The following MAPKBP1 variants were observed in gnomAD, a reference collection of about 807,000 sequenced individuals.
MAPKBP1 encodes the protein mitogen-activated protein kinase binding protein 1.
A neutral mutation model predicts 170.5 loss-of-function variants in MAPKBP1; 71 were observed. The observed-to-expected ratio is 0.42, with a 90% CI of 0.34 to 0.51. The LOEUF (loss-of-function observed/expected upper bound fraction) is 0.51, where lower values mean the gene tolerates loss of function less well. Among genes scored for constraint, MAPKBP1 ranks in the 20% least tolerant of loss-of-function variants. MAPKBP1 has a pLI of 0.06. For synonymous variants in MAPKBP1, 719 were observed against 757.9 expected, an observed-to-expected ratio of 0.95 and a Z score of 0.84; for missense variants, 1,598 against 1,933.0, an observed-to-expected ratio of 0.83 and a Z score of 3.25.
chr15:41,788,808 T>G (rs2064344458), intron 2 of MAPKBP1, among the ~76,000 whole-genome samples: 1 of 152,088 alleles, frequency 6.6e-6, no homozygotes, highest in Admixed American at 6.6e-5. Context: ...ACTGAAAAAG[T>G]TTTTGGGCAG....
intron 3 of MAPKBP1, among the ~76,000 whole-genome samples, chr15:41,802,565 C>G (rs569071631): frequency 2.6e-5 from 4 of 152,188 alleles, no homozygotes; most frequent in Non-Finnish European, 5.9e-5. Flanking sequence ...CCTCTGCCTC[C>G]TGGGTTCAAG....
intron 3 of MAPKBP1, among the ~76,000 whole-genome samples, chr15:41,809,082 A>AC (rs1392619687): frequency 2.7e-5 from 4 of 150,654 alleles, no homozygotes; most frequent in Non-Finnish European, 5.9e-5. Context: ...TCAAAAAAAA[A>AC]AAAAAAAATG....
chr15:41,785,627 C>G (rs117414861), intron 2 of MAPKBP1, among the ~76,000 whole-genome samples: 16 of 151,970 alleles, frequency 1.1e-4, no homozygotes, highest in Non-Finnish European at 2.1e-4. Flanking sequence ...ATTTACAGGC[C>G]AAGTGAAAAT....
chr15:41,794,755 C>G (rs1284504115), intron 2 of MAPKBP1, among the ~76,000 whole-genome samples: 3 of 152,150 alleles, frequency 2.0e-5, no homozygotes, highest in African/African-American at 2.4e-5. Flanking sequence ...GGACAGCAAC[C>G]TAGGTCCTGT....
intron 3 of MAPKBP1, 73 bp from the exon 4 acceptor site, chr15:41,810,810 T>C (rs1048007660): frequency 3.1e-6 from 4 of 1,293,016 alleles, no homozygotes; most frequent in East Asian, 2.3e-5. Flanking sequence ...TGACTGGAAG[T>C]CCTGGGTGGC....
At chr15:41,799,712 C>A in intron 2 of MAPKBP1, 111 bp from the exon 3 acceptor site, 1 of 759,880 alleles carries the variant, frequency 1.3e-6, no homozygotes, top group Non-Finnish European at 2.3e-6. Flanking sequence ...CTCCTGAAAA[C>A]ATGGGTGTCT....
intron 2 of MAPKBP1, among the ~76,000 whole-genome samples, chr15:41,783,243 CCT>C (rs1023936309): frequency 1.3e-5 from 2 of 152,136 alleles, no homozygotes; most frequent in African/African-American, 4.8e-5. Context: ...CAGGTCTCTC[CCT>C]GTTTTCCTCT....
At chr15:41,785,582 A>G (rs771427458) in intron 2 of MAPKBP1, among the ~76,000 whole-genome samples, 2 of 152,240 alleles carry the variant, frequency 1.3e-5, no homozygotes, top group Non-Finnish European at 2.9e-5. Flanking sequence ...ATATTGACAA[A>G]TAATTTGAGA....
At chr15:41,820,552 G>A (rs2064977900) in intron 22 of MAPKBP1, among the ~76,000 whole-genome samples, 1 of 152,146 alleles carries the variant, frequency 6.6e-6, no homozygotes. Flanking sequence ...CTGTGCCAGA[G>A]GATGCGGAAT....
At chr15:41,787,197 T>G (rs921449852) in intron 2 of MAPKBP1, among the ~76,000 whole-genome samples, 1 of 152,042 alleles carries the variant, frequency 6.6e-6, no homozygotes, top group East Asian at 1.9e-4. Flanking sequence ...TTTTGATACT[T>G]TTTGAAGTAC....
intron 22 of MAPKBP1, 70 bp from the exon 23 acceptor site, chr15:41,820,762 A>AT (rs1157390371): frequency 6.3e-6 from 7 of 1,112,706 alleles, no homozygotes; most frequent in South Asian, 4.1e-5. Context: ...ATAGTAAGGG[A>AT]TATGTGGATA....
At chr15:41,794,165 G>C (rs1025916121) in intron 2 of MAPKBP1, among the ~76,000 whole-genome samples, 1 of 152,130 alleles carries the variant, frequency 6.6e-6, no homozygotes, top group African/African-American at 2.4e-5. Context: ...CCTGGAGGCA[G>C]AGATTGCAGT....
chr15:41,809,945 G>A (rs1023030435), intron 3 of MAPKBP1, among the ~76,000 whole-genome samples: 1 of 152,204 alleles, frequency 6.6e-6, no homozygotes, highest in African/African-American at 2.4e-5. Flanking sequence ...GACCTCTGTG[G>A]CACTGTAAGG....
chr15:41,811,448 T>A, intron 5 of MAPKBP1: 1 of 702,844 alleles, frequency 1.4e-6, no homozygotes, highest in Middle Eastern at 2.3e-4. Context: ...AGCCTGGTCC[T>A]CAGAGTTTCT....
chr15:41,820,094 C>T (rs559233236), intron 22 of MAPKBP1, among the ~76,000 whole-genome samples: 111 of 152,206 alleles, frequency 7.3e-4, no homozygotes, highest in Non-Finnish European at 1.5e-3. Context: ...AAGCGGAGAA[C>T]TTCCAGAATA....
At chr15:41,797,856 A>G (rs1285398353) in intron 2 of MAPKBP1, among the ~76,000 whole-genome samples, 1 of 152,148 alleles carries the variant, frequency 6.6e-6, no homozygotes, top group Non-Finnish European at 1.5e-5. Context: ...GGGAATAGGT[A>G]TTAAATGTAA....
At chr15:41,819,554 G>GGGGGGT in intron 21 of MAPKBP1, 41 bp from the exon 22 acceptor site, 1 of 1,492,000 alleles carries the variant, frequency 6.7e-7, no homozygotes, top group Non-Finnish European at 9.2e-7. Flanking sequence ...TGGCGGGGGG[G>GGGGGGT]GGGCAGGAGA....
chr15:41,782,699 G>A (rs1381626534), intron 2 of MAPKBP1, among the ~76,000 whole-genome samples: 2 of 152,020 alleles, frequency 1.3e-5, no homozygotes, highest in Admixed American at 1.3e-4. Flanking sequence ...CATGTGCACA[G>A]CATGGCACTG....
rs2065001302 is a variant in MAPKBP1, at chr15:41,821,737, A to G, written c.2872A>G (p.Thr958Ala). 4 of 1,613,240 alleles carry G rather than the reference A, an allele frequency of 2.5e-6. No homozygotes were observed. The highest frequency in any genetic ancestry group is 3.4e-6 in the Non-Finnish European group (4 of 1,179,878). The change falls in exon 24 of 31, where the codon ACC becomes GCC. Residue 958 changes from threonine (T) to alanine (A), a missense_variant. Physicochemically the swap from Thr to Ala is moderately conservative, Grantham distance 58. This residue lies in a region of MAPKBP1 where 942 missense variants were observed against 953.2 expected (regional missense o/e 0.99). Coordinates refer to ENST00000457542, the MANE Select transcript of MAPKBP1 (RefSeq NM_014994.3). Reference protein sequence around the residue: ...IVYPEPSDNPTMDTSEFQVQA... With the variant: ...IVYPEPSDNPAMDTSEFQVQA... ...CTACCCGGAGCCGAGTGACAACCCC[A>G]CCATGGATACCAGGCAAGGATCCTG...
Sources: gnomAD v4.1 joint callset for allele counts (sites outside exome capture counted in the v4.1 genomes callset) on GRCh38, gnomAD v4.1.1 for gene constraint, gnomAD v4.1.1 regional missense constraint, MANE v1.5 for transcripts, NCBI Gene and HGNC (gene_info 2026-07-23, HGNC 2026-07-21) for gene names.